The following UBE4B variants were observed in gnomAD, a reference collection of about 807,000 sequenced individuals.
The protein encoded by UBE4B is ubiquitin conjugation factor E4 B.
Under a neutral mutation model 148.1 loss-of-function variants are expected in UBE4B, and 27 were observed. That is an observed-to-expected ratio of 0.18 (90% CI 0.13 to 0.25). The LOEUF (loss-of-function observed/expected upper bound fraction) is 0.25, where lower values mean the gene tolerates loss of function less well. Ranked by LOEUF, UBE4B falls within the 10% of genes least tolerant of loss-of-function variation. The pLI, the probability that UBE4B is intolerant of heterozygous loss-of-function variation, is 1.00. For missense variants in UBE4B, 1,170 were observed against 1,662.4 expected, an observed-to-expected ratio of 0.70 and a Z score of 5.15; for synonymous variants, 596 against 619.3, an observed-to-expected ratio of 0.96 and a Z score of 0.56.
chr1:10,063,626 C>T (rs191377862), intron 1 of UBE4B, among the ~76,000 whole-genome samples: 11 of 152,154 alleles, frequency 7.2e-5, no homozygotes, highest in East Asian at 1.9e-4. Context: ...ACATCTGGGC[C>T]GGGTGAGGTG....
chr1:10,050,418 C>A lies in UBE4B; in HGVS notation c.24+16724C>A, dbSNP rs568518560. Among the ~76,000 whole-genome samples, 3 of 152,280 alleles carry A rather than the reference C, an allele frequency of 2.0e-5. No homozygotes were observed. In the East Asian group the frequency reaches 5.8e-4, roughly 29 times the overall value. On this transcript the variant is annotated intron_variant, in intron 1 of 27. Transcript: ENST00000343090. The stretch of plus-strand genomic sequence containing the variant: ...ATATCAGGCATAGCCAAATGTGTGA[C>A]CCCAAGCTCTCCAAAACCACTAAGG...
At chr1:10,041,534 C>G (rs1307288762) in intron 1 of UBE4B, among the ~76,000 whole-genome samples, 1 of 151,774 alleles carries the variant, frequency 6.6e-6, no homozygotes, top group Non-Finnish European at 1.5e-5. Context: ...GGGGTTTCTC[C>G]AAGTTGGCCA....
At chr1:10,066,892 C>A (rs950799044) in intron 1 of UBE4B, among the ~76,000 whole-genome samples, 1 of 151,918 alleles carries the variant, frequency 6.6e-6, no homozygotes, top group Non-Finnish European at 1.5e-5. Flanking sequence ...GGTGACAGAG[C>A]AAGACTCCGT....
At chr1:10,113,997 A>G (rs1241154812) in intron 7 of UBE4B, among the ~76,000 whole-genome samples, 1 of 150,112 alleles carries the variant, frequency 6.7e-6, no homozygotes, top group African/African-American at 2.4e-5. Context: ...CCTGGGATGC[A>G]GAGGTTGCAG....
chr1:10,120,710 C>T (rs535828420), intron 9 of UBE4B, among the ~76,000 whole-genome samples: 2 of 150,686 alleles, frequency 1.3e-5, no homozygotes, highest in South Asian at 4.2e-4. Context: ...TGGTGGCACG[C>T]ACCTGTAATC....
intron 1 of UBE4B, among the ~76,000 whole-genome samples, chr1:10,068,419 A>G (rs6678519): frequency 0.99 from 149,951 of 151,066 alleles, 74,427 homozygotes; most frequent in East Asian, 1. Context: ...GTGCGATCTC[A>G]GCTCACTGTG....
chr1:10,071,308 A>G (rs1263234419), intron 1 of UBE4B, among the ~76,000 whole-genome samples: 1 of 152,226 alleles, frequency 6.6e-6, no homozygotes, highest in African/African-American at 2.4e-5. Flanking sequence ...TAGGCTGGGC[A>G]TGGTGCTTCA....
chr1:10,148,611 G>GA (rs1468907502), intron 19 of UBE4B, among the ~76,000 whole-genome samples: 1 of 147,976 alleles, frequency 6.8e-6, no homozygotes, highest in Admixed American at 6.9e-5. Flanking sequence ...CAGCCTGGGT[G>GA]ACAGGGTGAG....
At chr1:10,054,550 G>T in intron 1 of UBE4B, 1 of 318,352 alleles carries the variant, frequency 3.1e-6, no homozygotes, top group Admixed American at 3.8e-5. Flanking sequence ...TTCTTTTTCT[G>T]ATCATTTTCC....
intron 2 of UBE4B, among the ~76,000 whole-genome samples, chr1:10,074,130 A>G (rs1485977910): frequency 6.6e-6 from 1 of 151,930 alleles, no homozygotes; most frequent in African/African-American, 2.4e-5. Context: ...TTGAGAAAAC[A>G]GATGCAGGCA....
chr1:10,064,033 TG>T (rs1484136269), intron 1 of UBE4B, among the ~76,000 whole-genome samples: 2 of 152,168 alleles, frequency 1.3e-5, no homozygotes, highest in Admixed American at 6.5e-5. Flanking sequence ...CAGCTCGTCA[TG>T]AGCTTGTTGC....
At chr1:10,094,634 C>G (rs552124474) in intron 2 of UBE4B, among the ~76,000 whole-genome samples, 5 of 151,846 alleles carry the variant, frequency 3.3e-5, no homozygotes, top group Admixed American at 3.3e-4. Context: ...CGGGGTTTCA[C>G]CATGTTAGCC....
chr1:10,087,462 G>A (rs1027569210), intron 2 of UBE4B, among the ~76,000 whole-genome samples: 29 of 152,190 alleles, frequency 1.9e-4, no homozygotes, highest in African/African-American at 6.5e-4. Flanking sequence ...CTAAACATGA[G>A]TCTCCTTAGT....
intron 1 of UBE4B, among the ~76,000 whole-genome samples, chr1:10,035,719 T>TAGTAGTCCTTTACTCC (rs1643494678): frequency 6.8e-6 from 1 of 146,124 alleles, no homozygotes; most frequent in African/African-American, 2.5e-5. Flanking sequence ...GATAGTTTTT[T>TAGTAGTCCTTTACTCC]TATTTTTTTT....
chr1:10,092,709 T>A (rs541785012), intron 2 of UBE4B, among the ~76,000 whole-genome samples: 1 of 152,138 alleles, frequency 6.6e-6, no homozygotes, highest in Admixed American at 6.5e-5. Context: ...ATGCCTGTAA[T>A]CCTAGCTACT....
intron 1 of UBE4B, among the ~76,000 whole-genome samples, chr1:10,067,446 A>G (rs1644409296): frequency 6.6e-6 from 1 of 152,098 alleles, no homozygotes; most frequent in Admixed American, 6.6e-5. Flanking sequence ...TGTTTAACTT[A>G]AAGGAGATTA....
At chr1:10,088,060 G>A (rs1644790870) in intron 2 of UBE4B, among the ~76,000 whole-genome samples, 1 of 152,130 alleles carries the variant, frequency 6.6e-6, no homozygotes, top group Non-Finnish European at 1.5e-5. Flanking sequence ...TGGTCCATTT[G>A]ACATGCCTCT....
chr1:10,165,908 C>T (rs1336020621), intron 23 of UBE4B, among the ~76,000 whole-genome samples: 1 of 152,148 alleles, frequency 6.6e-6, no homozygotes, highest in African/African-American at 2.4e-5. Flanking sequence ...TGCATGAGAG[C>T]TGGGAGCCTT....
At chr1:10,119,313 C>A (rs546312027) in intron 8 of UBE4B, among the ~76,000 whole-genome samples, 200 bp from the exon 9 acceptor site, 4 of 152,204 alleles carry the variant, frequency 2.6e-5, no homozygotes, top group Non-Finnish European at 5.9e-5. Context: ...CTCAAACTTA[C>A]GCTTCTTTCT....
Sources: allele counts gnomAD v4.1 joint callset (sites outside exome capture counted in the v4.1 genomes callset), GRCh38; gene constraint gnomAD v4.1.1; transcripts MANE v1.5; gene names NCBI Gene and HGNC (gene_info 2026-07-23, HGNC 2026-07-21).